Variants in PDPN observed in about 807,000 individuals in gnomAD.
The protein encoded by PDPN is PA2.26 antigen.
A neutral mutation model predicts 23.2 loss-of-function variants in PDPN; 12 were observed. The ratio of observed to expected loss-of-function variants is 0.52; its 90% CI spans 0.33 to 0.84. The LOEUF (loss-of-function observed/expected upper bound fraction) is 0.84, where lower values mean the gene tolerates loss of function less well. Ranked by LOEUF, PDPN falls within the 40% of genes least tolerant of loss-of-function variation. PDPN has a pLI of 0.02. For synonymous variants in PDPN, 77 were observed against 76.7 expected (o/e 1.00, Z -0.02); for missense variants, 199 against 212.2 (o/e 0.94, Z 0.39).
chr1:13,605,662 C>G (rs1241994268), intron 1 of PDPN, among the ~76,000 whole-genome samples: 1 of 152,144 alleles, frequency 6.6e-6, no homozygotes, highest in Non-Finnish European at 1.5e-5. Context: ...CCTGCTCTGT[C>G]ACCAGGTTGG....
Position 13,615,956 on chromosome 1 carries a change from ACCGTTTCTGACTCTGTGC to A in PDPN, c.*48_*65del. ...CTGCTGCCAACGTGCTTAAAAAAAG[ACCGTTTCTGACTCTGTGC>A]CCTGTCCCTGAGCTCGTGGGAGAAG... On this transcript the variant is annotated 3_prime_UTR_variant, in exon 6 of 6. Coordinates refer to ENST00000621990, the MANE Select transcript of PDPN (RefSeq NM_006474.5). The A allele has an allele frequency of 6.3e-7, 1 of 1,582,698 alleles. No homozygotes were observed. The highest frequency in any genetic ancestry group is 8.7e-7 in the Non-Finnish European group (1 of 1,151,430).
Position 13,584,838 on chromosome 1 carries a change from T to C in PDPN, c.67+738T>C, listed in dbSNP as rs565264554. Among the ~76,000 whole-genome samples, 131 of 152,282 alleles carry C rather than the reference T, an allele frequency of 8.6e-4. 1 individual carries two copies. Among genetic ancestry groups the C allele is most frequent in the African/African-American group, 2.7e-3 (112 of 41,572 alleles). ...TGTTGGTGACTCCTTAGGCTTTAAA[T>C]ATTTTGTATCCCATGTTGGGGTGGG... is the stretch of plus-strand genomic sequence containing the variant. On this transcript the variant is annotated intron_variant, in intron 1 of 5. Transcript: ENST00000621990.
chr1:13,609,941 G>C (rs149859241), intron 2 of PDPN, among the ~76,000 whole-genome samples: 4 of 152,104 alleles, frequency 2.6e-5, no homozygotes, highest in Admixed American at 6.6e-5. Context: ...GCGGGCGCCT[G>C]TAATCCCAGC....
intron 2 of PDPN, among the ~76,000 whole-genome samples, chr1:13,607,759 A>G (rs1640828001): frequency 6.6e-6 from 1 of 152,118 alleles, no homozygotes; most frequent in Admixed American, 6.6e-5. Flanking sequence ...TTTCAATACA[A>G]TGAAAGTTTT....
chr1:13,616,058 C>G lies in PDPN; in HGVS notation c.*147C>G, dbSNP rs543876980. The G allele has an allele frequency of 1.7e-5, 12 of 720,422 alleles. No individual in the cohort carries two copies. The East Asian group carries it at 2.0e-4, about 12-fold the overall frequency. The allele number at this position is 720,422 out of a possible 1,614,324, so 44.6% of individuals were successfully genotyped here. On this transcript the variant is annotated 3_prime_UTR_variant, in exon 6 of 6. Transcript: ENST00000621990. Reference sequence around the variant, plus strand: ...AATCCACGGTGACCTCTCCGCTTGCCAAAATAACCGAAGGAAAGACCGTTC... The same window carrying G: ...AATCCACGGTGACCTCTCCGCTTGCGAAAATAACCGAAGGAAAGACCGTTC...
intron 1 of PDPN, among the ~76,000 whole-genome samples, chr1:13,587,477 A>AG (rs761622019): frequency 6.6e-6 from 1 of 151,864 alleles, no homozygotes; most frequent in East Asian, 1.9e-4. Context: ...ACGACGGGGG[A>AG]GGAGGAGGAG....
intron 1 of PDPN, chr1:13,584,366 C>T (rs1338096041): frequency 2.1e-6 from 3 of 1,421,520 alleles, no homozygotes; most frequent in Non-Finnish European, 2.8e-6. Context: ...GGGCCTCCCT[C>T]CGAGTCGGCA....
intron 1 of PDPN, among the ~76,000 whole-genome samples, chr1:13,604,432 A>G (rs534931143): frequency 3.6e-5 from 5 of 138,940 alleles, no homozygotes; most frequent in Non-Finnish European, 8.0e-5. Flanking sequence ...AAAGACATGC[A>G]TCTTAATCCT....
intron 1 of PDPN, among the ~76,000 whole-genome samples, chr1:13,590,606 G>A (rs193165325): frequency 2.1e-3 from 326 of 152,226 alleles, no homozygotes; most frequent in Non-Finnish European, 3.8e-3. Context: ...AGATCAGTCC[G>A]GGCTTTTTGT....
intron 1 of PDPN, among the ~76,000 whole-genome samples, chr1:13,596,499 G>A (rs1411498349): frequency 2.0e-5 from 3 of 152,234 alleles, no homozygotes; most frequent in Admixed American, 6.5e-5. Flanking sequence ...GGGGAAAAAA[G>A]TTCACTGGCC....
At chr1:13,608,398 C>A (rs1472446218) in intron 2 of PDPN, among the ~76,000 whole-genome samples, 3 of 152,182 alleles carry the variant, frequency 2.0e-5, no homozygotes, top group African/African-American at 7.2e-5. Context: ...AGGTTCCTGC[C>A]TGCCTATCTG....
At chr1:13,602,355 G>T (rs1640668780) in intron 1 of PDPN, among the ~76,000 whole-genome samples, 1 of 151,964 alleles carries the variant, frequency 6.6e-6, no homozygotes, top group Non-Finnish European at 1.5e-5. Context: ...GCAGCATTTA[G>T]GCCAAAGAAT....
chr1:13,583,866 T>A lies in PDPN; in HGVS notation c.-168T>A. 2 of 1,605,584 alleles carry A rather than the reference T, an allele frequency of 1.2e-6. No individual in the cohort carries two copies. The highest frequency in any genetic ancestry group is 1.7e-6 in the Non-Finnish European group (2 of 1,175,770). On this transcript the variant is annotated 5_prime_UTR_variant, in exon 1 of 6. Coordinates refer to ENST00000621990, the MANE Select transcript of PDPN (RefSeq NM_006474.5). ...GTTTGCTGTCCGGCTGCCTAGGGTC[T>A]GGGAAGCTCGGGCACCCTCCCTCTC...
intron 1 of PDPN, among the ~76,000 whole-genome samples, chr1:13,594,287 C>G (rs1234060356): frequency 1.3e-5 from 2 of 152,156 alleles, no homozygotes; most frequent in Non-Finnish European, 2.9e-5. Flanking sequence ...GAGGAGATTA[C>G]TTTCTCCTGG....
chr1:13,583,923 C>A lies in PDPN; in HGVS notation c.-111C>A, dbSNP rs770812249. ...TCCTGCTCCCACCCCTCCGGCCCCCCCACCGTCGCGCTCCTCCAGGCTGGG... is the reference window on the plus strand; with the variant it reads ...TCCTGCTCCCACCCCTCCGGCCCCCACACCGTCGCGCTCCTCCAGGCTGGG... On this transcript the variant is annotated 5_prime_UTR_variant, in exon 1 of 6. Transcript: ENST00000621990. 1 of 1,612,910 alleles carries A rather than the reference C, an allele frequency of 6.2e-7. No homozygotes were observed. Among genetic ancestry groups the A allele is most frequent in the Non-Finnish European group, 8.5e-7 (1 of 1,179,560 alleles).
chr1:13,602,729 A>T (rs375942907), intron 1 of PDPN, among the ~76,000 whole-genome samples: 123 of 146,602 alleles, frequency 8.4e-4, no homozygotes, highest in African/African-American at 2.9e-3. Context: ...TGCCTGGCTA[A>T]TTTTTTTTTT....
rs539741653 is a variant in PDPN, at chr1:13,616,664, C to T, written c.*753C>T. 3 of 152,482 alleles carry T rather than the reference C, an allele frequency of 2.0e-5. No individual in the cohort carries two copies. In the South Asian group the frequency reaches 6.2e-4, roughly 32 times the overall value. 9.4% of individuals were successfully genotyped at this position (152,482 alleles called of 1,614,324 possible). A position where few individuals can be genotyped will look rare whatever the true frequency, so the allele number is the denominator to read the frequency against. ...TGACTCTAAGCTTGCTCCCACCTGCCCCCTCCACTTCCCTCAGATGATGAG... is the reference window on the plus strand; with the variant it reads ...TGACTCTAAGCTTGCTCCCACCTGCTCCCTCCACTTCCCTCAGATGATGAG... On this transcript the variant is annotated 3_prime_UTR_variant, in exon 6 of 6. Coordinates refer to ENST00000621990, the MANE Select transcript of PDPN (RefSeq NM_006474.5).
intron 1 of PDPN, among the ~76,000 whole-genome samples, chr1:13,593,693 AG>A (rs968575977): frequency 5.9e-5 from 9 of 152,166 alleles, no homozygotes; most frequent in African/African-American, 2.2e-4. Flanking sequence ...TTGCAAAATC[AG>A]GGCATGCTCA....
chr1:13,609,427 T>A (rs1640877596), intron 2 of PDPN, among the ~76,000 whole-genome samples: 1 of 152,184 alleles, frequency 6.6e-6, no homozygotes, highest in African/African-American at 2.4e-5. Flanking sequence ...CATTAGCATA[T>A]GTTTTTTATT....
Sources: gnomAD v4.1 joint callset for allele counts (sites outside exome capture counted in the v4.1 genomes callset) on GRCh38, gnomAD v4.1.1 for gene constraint, MANE v1.5 for transcripts, NCBI Gene and HGNC (gene_info 2026-07-23, HGNC 2026-07-21) for gene names.